The following WDPCP variants were observed in gnomAD, a reference collection of about 807,000 sequenced individuals.
WDPCP encodes WD repeat containing planar cell polarity effector, also known as WD repeat-containing and planar cell polarity effector protein fritz homolog.
In WDPCP, 71 loss-of-function variants were observed where a neutral mutation model predicts 93.1. The observed-to-expected ratio is 0.76, with a 90% CI of 0.63 to 0.93. WDPCP has a LOEUF of 0.93. WDPCP is among the 40% of genes least tolerant of loss of function. The pLI, the probability that WDPCP is intolerant of heterozygous loss-of-function variation, is 0.00. For synonymous variants in WDPCP, 315 were observed against 315.0 expected, an observed-to-expected ratio of 1.00 and a Z score of 0.00; for missense variants, 844 against 887.4, an observed-to-expected ratio of 0.95 and a Z score of 0.62.
intron 2 of WDPCP, among the ~76,000 whole-genome samples, chr2:63,675,759 T>C (rs2106635310): frequency 1.3e-5 from 2 of 152,362 alleles, no homozygotes; most frequent in Middle Eastern, 3.4e-3. Flanking sequence ...TCAGTTGCCA[T>C]GTTTTGTCTT....
At chr2:63,569,868 C>T (rs1707354230) in intron 1 of WDPCP, among the ~76,000 whole-genome samples, 1 of 152,170 alleles carries the variant, frequency 6.6e-6, no homozygotes, top group Non-Finnish European at 1.5e-5. Context: ...ATTGAAAGTA[C>T]CCCAATGGGT....
At chr2:63,508,545 A>G (rs1323617642) in intron 1 of WDPCP, among the ~76,000 whole-genome samples, 1 of 152,180 alleles carries the variant, frequency 6.6e-6, no homozygotes, top group Non-Finnish European at 1.5e-5. Flanking sequence ...CAAAATAACC[A>G]GCTAACATCA....
chr2:63,558,254 G>A (rs1326114313), intron 1 of WDPCP, among the ~76,000 whole-genome samples: 1 of 152,044 alleles, frequency 6.6e-6, no homozygotes, highest in Non-Finnish European at 1.5e-5. Context: ...AAGAGGCCAG[G>A]CGTGGTGGCT....
At chr2:63,744,345 C>T (rs568703859) in intron 2 of WDPCP, among the ~76,000 whole-genome samples, 14 of 152,228 alleles carry the variant, frequency 9.2e-5, no homozygotes, top group African/African-American at 3.1e-4. Flanking sequence ...CAGAATGGCA[C>T]ATCATTCCTC....
At chr2:63,506,505 A>G (rs1448647087) in intron 1 of WDPCP, among the ~76,000 whole-genome samples, 1 of 152,034 alleles carries the variant, frequency 6.6e-6, no homozygotes, top group African/African-American at 2.4e-5. Flanking sequence ...AAAATTTTGG[A>G]GGGTAAAAAG....
At chr2:63,264,107 G>A (rs535451201) in intron 13 of WDPCP, among the ~76,000 whole-genome samples, 1 of 152,060 alleles carries the variant, frequency 6.6e-6, no homozygotes, top group Non-Finnish European at 1.5e-5. Context: ...GTAAAACATG[G>A]ATGTACCCCC....
intron 3 of WDPCP, among the ~76,000 whole-genome samples, chr2:63,607,944 A>AAGAT (rs1441160390): frequency 6.6e-6 from 1 of 152,086 alleles, no homozygotes; most frequent in South Asian, 2.1e-4. Context: ...TAAGGCTAGA[A>AAGAT]AGATAAAGCA....
intron 1 of WDPCP, among the ~76,000 whole-genome samples, chr2:63,546,482 T>C (rs1407519176): frequency 1.3e-5 from 2 of 152,138 alleles, no homozygotes; most frequent in Non-Finnish European, 2.9e-5. Context: ...CAACTAAAAT[T>C]GCCTTGGCAC....
intron 13 of WDPCP, among the ~76,000 whole-genome samples, chr2:63,285,037 G>T (rs1188798000): frequency 6.6e-6 from 1 of 151,928 alleles, no homozygotes; most frequent in African/African-American, 2.4e-5. Flanking sequence ...CACCAAAAAA[G>T]GTAAAAAGAA....
At chr2:63,840,799 C>T in the WDPCP span, 1 of 152,672 alleles carries the variant, frequency 6.5e-6, no homozygotes, top group South Asian at 2.1e-4. Flanking sequence ...AGTGCTGCTC[C>T]CACGCGCGGT....
At chr2:63,244,862 C>T (rs1680148710) in intron 14 of WDPCP, among the ~76,000 whole-genome samples, 2 of 152,114 alleles carry the variant, frequency 1.3e-5, no homozygotes, top group South Asian at 2.1e-4. Context: ...ATTCACATAA[C>T]TCACAAGCCA....
At chr2:63,341,737 A>C (rs912299720) in intron 12 of WDPCP, among the ~76,000 whole-genome samples, 12 of 152,174 alleles carry the variant, frequency 7.9e-5, no homozygotes, top group African/African-American at 2.9e-4. Flanking sequence ...CACATGTTAA[A>C]TATGTAATAT....
chr2:63,378,360 C>T, intron 12 of WDPCP, 26 bp downstream of exon 12: 3 of 1,612,388 alleles, frequency 1.9e-6, no homozygotes, highest in Non-Finnish European at 2.5e-6. Flanking sequence ...TAGTCTGACG[C>T]TAATCAATCC....
chr2:63,817,899 T>C (rs1410210772), intron 1 of WDPCP, among the ~76,000 whole-genome samples: 2 of 152,222 alleles, frequency 1.3e-5, no homozygotes, highest in African/African-American at 4.8e-5. Context: ...GTCTTTACCG[T>C]AGGGCACTTA....
intron 1 of WDPCP, among the ~76,000 whole-genome samples, chr2:63,544,041 T>C (rs1348868645): frequency 6.6e-6 from 1 of 152,116 alleles, no homozygotes; most frequent in South Asian, 2.1e-4. Context: ...ACAAGATAGG[T>C]CCCCATTTAA....
intron 15 of WDPCP, among the ~76,000 whole-genome samples, chr2:63,173,892 T>C (rs1381283596): frequency 1.3e-5 from 2 of 152,234 alleles, no homozygotes; most frequent in Admixed American, 1.3e-4. Context: ...TTACAATTAC[T>C]GAAAATAGGA....
chr2:63,558,626 T>C (rs939005334), intron 1 of WDPCP, among the ~76,000 whole-genome samples: 1 of 151,058 alleles, frequency 6.6e-6, no homozygotes, highest in Non-Finnish European at 1.5e-5. Flanking sequence ...CCCACAAAAA[T>C]ACAAACATCG....
At chr2:63,390,185 CA>C (rs1328118986) in intron 10 of WDPCP, among the ~76,000 whole-genome samples, 2 of 152,038 alleles carry the variant, frequency 1.3e-5, no homozygotes, top group Non-Finnish European at 2.9e-5. Context: ...ACAGAAATCA[CA>C]ACAAACTGTC....
chr2:63,635,804 A>C (rs1435560543), intron 3 of WDPCP, among the ~76,000 whole-genome samples: 3 of 152,180 alleles, frequency 2.0e-5, no homozygotes, highest in Non-Finnish European at 4.4e-5. Flanking sequence ...CAAGACAGAC[A>C]AGGATGTCCT....
Sources: allele counts gnomAD v4.1 joint callset (sites outside exome capture counted in the v4.1 genomes callset), GRCh38; gene constraint gnomAD v4.1.1; transcripts MANE v1.5; gene names NCBI Gene and HGNC (gene_info 2026-07-23, HGNC 2026-07-21).